The following PTOV1 variants were observed in gnomAD, a reference collection of about 807,000 sequenced individuals.
The protein encoded by PTOV1 is prostate tumor-overexpressed gene 1 protein.
Under a neutral mutation model 58.0 loss-of-function variants are expected in PTOV1, and 20 were observed. The ratio of observed to expected loss-of-function variants is 0.34; its 90% CI spans 0.24 to 0.50. The LOEUF is 0.50. PTOV1 is among the 20% of genes least tolerant of loss of function. PTOV1 has a pLI of 0.98. For synonymous variants in PTOV1, 335 were observed against 234.2 expected, an observed-to-expected ratio of 1.43 and a Z score of -3.93; for missense variants, 593 against 565.4, an observed-to-expected ratio of 1.05 and a Z score of -0.50.
At chr19:49,851,762 G>T (rs1309144364) in intron 1 of PTOV1, 28 of 1,086,884 alleles carry the variant, frequency 2.6e-5, no homozygotes, top group Non-Finnish European at 3.1e-5. Flanking sequence ...TCCGCGGCCC[G>T]ATTTAAACGC....
At position 49,854,356 on chromosome 19, in the gene PTOV1, C is replaced by T. The variant is rs751949313; in HGVS notation, c.172-50C>T. On this transcript the variant is annotated intron_variant, in intron 1 of 11. Coordinates refer to ENST00000391842, the Ensembl canonical transcript of PTOV1. ...CTGGGGTGTGTGGGGACTGCCTGTC[C>T]TTGCAGGCCCCGGCCTCAGTTTTCC... 2.5e-6 allele frequency: 4 copies of T among 1,573,980 alleles called. No individual in the cohort carries two copies. In the South Asian group the frequency reaches 4.6e-5, roughly 18 times the overall value.
intron 5 of PTOV1, chr19:49,855,590 G>C (rs775170518): frequency 8.0e-5 from 14 of 174,314 alleles, no homozygotes; most frequent in Non-Finnish European, 1.6e-4. Flanking sequence ...AGGGGACCCA[G>C]GTATCCAGCC....
At chr19:49,859,951 T>C (rs1485375949) in intron 10 of PTOV1, 35 bp from the exon 11 acceptor site, 17 of 1,610,236 alleles carry the variant, frequency 1.1e-5, no homozygotes, top group Non-Finnish European at 1.7e-6. Context: ...GTCCCTGTGG[T>C]GCTGTCTGGT....
chr19:49,856,000 C>T (rs1338406872), intron 5 of PTOV1: 1 of 152,160 alleles, frequency 6.6e-6, no homozygotes, highest in African/African-American at 2.4e-5. Flanking sequence ...TGGGACATTC[C>T]CAGTCCCTGT....
chr19:49,858,050 C>A lies in PTOV1; in HGVS notation c.879-7C>A. 6.2e-7 allele frequency: 1 copy of A among 1,614,064 alleles called. No homozygotes were observed. Among genetic ancestry groups the A allele is most frequent in the Non-Finnish European group, 8.5e-7 (1 of 1,179,982 alleles). ...CTTCCTGACCCTCGTCCCTTTGTGCCCCACAGGAGGACCGAGCAGTGGCCA... is the reference window on the plus strand; with the variant it reads ...CTTCCTGACCCTCGTCCCTTTGTGCACCACAGGAGGACCGAGCAGTGGCCA... On this transcript the variant is annotated splice_region_variant and splice_polypyrimidine_tract_variant and intron_variant, in intron 8 of 11. Coordinates refer to ENST00000391842, the Ensembl canonical transcript of PTOV1.
At position 49,857,095 on chromosome 19, in the gene PTOV1, A is replaced by G. The variant is rs763665193; in HGVS notation, c.679A>G (p.Ser227Gly). 72 of 1,613,954 alleles carry G rather than the reference A, an allele frequency of 4.5e-5. No homozygotes were observed. Among genetic ancestry groups the G allele is most frequent in the Non-Finnish European group, 5.6e-5 (66 of 1,179,984 alleles). The change falls in exon 6 of 12, where the codon AGT becomes GGT. Residue 227 changes from serine to glycine, a missense_variant. Physicochemically the swap from Ser to Gly is moderately conservative, Grantham distance 56. Transcript: ENST00000391842. Reference sequence around the variant, plus strand: ...CCCCTACGACCAGAGCGGCTTCGTCAGTGCCATCCGGCAGGTCATCACCAC... The same window carrying G: ...CCCCTACGACCAGAGCGGCTTCGTCGGTGCCATCCGGCAGGTCATCACCAC...
At chr19:49,860,098 A>T in exon 11 of PTOV1, 1 of 1,614,182 alleles carries the variant, frequency 6.2e-7, no homozygotes, top group South Asian at 1.1e-5. Context: ...GACCAGGGCA[A>T]CTTTGTCAAC....
chr19:49,853,512 AAAATT>A (rs1239936035), intron 1 of PTOV1, among the ~76,000 whole-genome samples: 3 of 151,918 alleles, frequency 2.0e-5, no homozygotes, highest in African/African-American at 7.3e-5. Context: ...AAAAAAAAAA[AAAATT>A]AGCCGGGCAT....
chr19:49,852,154 G>T, intron 1 of PTOV1: 1 of 875,976 alleles, frequency 1.1e-6, no homozygotes, highest in South Asian at 5.2e-5. Flanking sequence ...CTGTAAAACC[G>T]CACATCGCGA....
chr19:49,859,518 G>A (rs2074647811), intron 10 of PTOV1, among the ~76,000 whole-genome samples: 1 of 151,858 alleles, frequency 6.6e-6, no homozygotes, highest in African/African-American at 2.4e-5. Context: ...GTTGCAGTGA[G>A]CTGAGATCAT....
At chr19:49,853,845 TC>T (rs894211354) in intron 1 of PTOV1, among the ~76,000 whole-genome samples, 1 of 151,940 alleles carries the variant, frequency 6.6e-6, no homozygotes, top group African/African-American at 2.4e-5. Context: ...CCTTCCTGCC[TC>T]CCCCCGGGGT....
intron 5 of PTOV1, chr19:49,856,050 C>T (rs933467989): frequency 6.6e-6 from 1 of 152,178 alleles, no homozygotes; most frequent in South Asian, 2.1e-4. Flanking sequence ...TCCCAGCTGC[C>T]GTTGAGCGCC....
chr19:49,851,144 TC>T, upstream of PTOV1: 1 of 1,305,360 alleles, frequency 7.7e-7, no homozygotes, highest in Non-Finnish European at 9.7e-7. Context: ...CGCGCCGGGC[TC>T]CCCCGCTCGC....
At chr19:49,852,161 G>T in intron 1 of PTOV1, 1 of 838,036 alleles carries the variant, frequency 1.2e-6, no homozygotes, top group Non-Finnish European at 1.4e-6. Flanking sequence ...ACCGCACATC[G>T]CGACTTTGCA....
chr19:49,853,748 T>A (rs574234455), intron 1 of PTOV1, among the ~76,000 whole-genome samples: 1 of 152,338 alleles, frequency 6.6e-6, no homozygotes, highest in Non-Finnish European at 1.5e-5. Context: ...CTGGGGGTGG[T>A]GTCCCAGCTG....
In PTOV1 at chr19:49,857,996, G is replaced by A. The variant is rs1325961789; in HGVS notation, c.878+19G>A. The A allele has an allele frequency of 6.2e-7, 1 of 1,613,024 alleles. No individual in the cohort carries two copies. Among genetic ancestry groups the A allele is most frequent in the South Asian group, 1.1e-5 (1 of 90,960 alleles). On this transcript the variant is annotated intron_variant, in intron 8 of 11. Transcript: ENST00000391842. ...AGATCCTGTGAGTGCTGGGCTGGGG[G>A]GTGGAGGCAGCATCCAGGGGAGCTG... is the stretch of plus-strand genomic sequence containing the variant.
chr19:49,851,753 C>T (rs1383089752), intron 1 of PTOV1: 32 of 1,093,142 alleles, frequency 2.9e-5, no homozygotes, highest in African/African-American at 3.3e-5. Context: ...ACTGCTGACT[C>T]CGCGGCCCGA....
chr19:49,853,042 GC>G (rs2074315599), intron 1 of PTOV1: 1 of 151,482 alleles, frequency 6.6e-6, no homozygotes, highest in African/African-American at 2.4e-5. Flanking sequence ...AGAATCACCT[GC>G]GTGGGTGAAG....
intron 10 of PTOV1, 194 bp downstream of exon 10, chr19:49,858,847 G>A (rs1001496833): frequency 3.6e-6 from 2 of 554,406 alleles, no homozygotes; most frequent in South Asian, 2.4e-5. Flanking sequence ...ACTGACCCTG[G>A]TTCTGCGGGG....
Sources: allele counts gnomAD v4.1 joint callset (sites outside exome capture counted in the v4.1 genomes callset), GRCh38; gene constraint gnomAD v4.1.1; transcripts MANE v1.5; gene names NCBI Gene and HGNC (gene_info 2026-07-23, HGNC 2026-07-21).